The following KSR1 variants were observed in gnomAD, a reference collection of about 807,000 sequenced individuals.
The protein encoded by KSR1 is kinase suppressor of ras.
In KSR1, 35 loss-of-function variants were observed where a neutral mutation model predicts 92.9. That is an observed-to-expected ratio of 0.38 (90% CI 0.29 to 0.50). The LOEUF is 0.50. Ranked by LOEUF, KSR1 falls within the 20% of genes least tolerant of loss-of-function variation. The pLI is 0.94. For synonymous variants in KSR1, 467 were observed against 472.6 expected (o/e 0.99, Z 0.15); for missense variants, 972 against 1,158.5 (o/e 0.84, Z 2.34).
chr17:27,482,809 T>C (rs921209149), intron 1 of KSR1, among the ~76,000 whole-genome samples: 4 of 152,132 alleles, frequency 2.6e-5, no homozygotes, highest in African/African-American at 9.7e-5. Flanking sequence ...GTGAAGGAAA[T>C]GCATACAGTT....
At chr17:27,536,028 G>C (rs2070739226) in intron 1 of KSR1, among the ~76,000 whole-genome samples, 1 of 152,250 alleles carries the variant, frequency 6.6e-6, no homozygotes, top group Non-Finnish European at 1.5e-5. Flanking sequence ...ACCTCCACGG[G>C]TGTGGGGAAG....
intron 2 of KSR1, among the ~76,000 whole-genome samples, chr17:27,556,691 CAGA>C (rs372941310): frequency 1.1e-4 from 17 of 152,332 alleles, no homozygotes; most frequent in African/African-American, 4.1e-4. Context: ...GCCATGCCCA[CAGA>C]AGAAGACTCA....
intron 1 of KSR1, among the ~76,000 whole-genome samples, chr17:27,537,639 G>A (rs1282418818): frequency 1.3e-5 from 2 of 152,140 alleles, no homozygotes; most frequent in African/African-American, 2.4e-5. Context: ...GCAATGAGCC[G>A]AGATCAGGCC....
At chr17:27,477,646 C>T (rs2150935414) in intron 1 of KSR1, among the ~76,000 whole-genome samples, 1 of 152,202 alleles carries the variant, frequency 6.6e-6, no homozygotes, top group African/African-American at 2.4e-5. Flanking sequence ...CCGGCCCATC[C>T]CTCCCAGAAT....
chr17:27,613,414 C>T (rs894466054), intron 18 of KSR1, among the ~76,000 whole-genome samples: 1 of 152,264 alleles, frequency 6.6e-6, no homozygotes, highest in African/African-American at 2.4e-5. Context: ...AGAAACCTCT[C>T]AGCAAAAAAG....
chr17:27,506,467 C>T (rs900385172), intron 1 of KSR1, among the ~76,000 whole-genome samples: 1 of 152,178 alleles, frequency 6.6e-6, no homozygotes, highest in African/African-American at 2.4e-5. Flanking sequence ...TAAGCACTGC[C>T]TGATACTCGA....
chr17:27,502,927 A>G (rs888575916), intron 1 of KSR1, among the ~76,000 whole-genome samples: 1 of 152,184 alleles, frequency 6.6e-6, no homozygotes. Context: ...GCTGATGGTA[A>G]CAGTAACACA....
At chr17:27,545,010 T>TG (rs2071110021) in intron 1 of KSR1, among the ~76,000 whole-genome samples, 1 of 152,244 alleles carries the variant, frequency 6.6e-6, no homozygotes, top group South Asian at 2.1e-4. Flanking sequence ...TAACAAGTTC[T>TG]GGGAGATAGC....
chr17:27,505,288 G>A (rs754481337), intron 1 of KSR1, among the ~76,000 whole-genome samples: 1 of 152,176 alleles, frequency 6.6e-6, no homozygotes, highest in Non-Finnish European at 1.5e-5. Flanking sequence ...GGGCTCTACA[G>A]TGCAACCCGT....
At chr17:27,619,740 T>C (rs2074166914) in intron 19 of KSR1, among the ~76,000 whole-genome samples, 1 of 150,840 alleles carries the variant, frequency 6.6e-6, no homozygotes, top group African/African-American at 2.4e-5. Flanking sequence ...TGAGACAGAG[T>C]CTTGCTCTGT....
chr17:27,581,404 C>A (rs984541954), intron 3 of KSR1, among the ~76,000 whole-genome samples: 1 of 152,144 alleles, frequency 6.6e-6, no homozygotes, highest in Non-Finnish European at 1.5e-5. Flanking sequence ...GCTGACCCCC[C>A]CAGCTTCATC....
At chr17:27,464,248 C>T (rs561950918) in intron 1 of KSR1, among the ~76,000 whole-genome samples, 34 of 152,222 alleles carry the variant, frequency 2.2e-4, no homozygotes, top group African/African-American at 7.2e-4. Flanking sequence ...ATTCTTGGAG[C>T]GCCATCTGGG....
At chr17:27,539,075 A>G (rs1042856736) in intron 1 of KSR1, among the ~76,000 whole-genome samples, 2 of 152,196 alleles carry the variant, frequency 1.3e-5, no homozygotes, top group Non-Finnish European at 2.9e-5. Context: ...GGTTTGGCCC[A>G]TTGGCAGAAA....
At chr17:27,601,922 C>T in intron 11 of KSR1, 1 of 1,609,460 alleles carries the variant, frequency 6.2e-7, no homozygotes, top group Non-Finnish European at 8.5e-7. Flanking sequence ...CTGGAAATGC[C>T]TCCTTATTGC....
chr17:27,520,087 T>C (rs2069961676), intron 1 of KSR1, among the ~76,000 whole-genome samples: 2 of 152,234 alleles, frequency 1.3e-5, no homozygotes, highest in Non-Finnish European at 2.9e-5. Context: ...TTATACCGAA[T>C]GAATTATTTC....
chr17:27,555,907 G>T (rs1379964114), intron 2 of KSR1, among the ~76,000 whole-genome samples: 1 of 152,190 alleles, frequency 6.6e-6, no homozygotes, highest in East Asian at 1.9e-4. Flanking sequence ...AAAGAAAATT[G>T]CTGCATCCCA....
At chr17:27,616,050 T>C (rs546653641) in intron 18 of KSR1, among the ~76,000 whole-genome samples, 1 of 152,360 alleles carries the variant, frequency 6.6e-6, no homozygotes, top group Non-Finnish European at 1.5e-5. Flanking sequence ...ATGCCTGCTA[T>C]AGTGAAATTT....
chr17:27,563,404 G>A (rs1274403827), intron 2 of KSR1, among the ~76,000 whole-genome samples: 1 of 152,056 alleles, frequency 6.6e-6, no homozygotes, highest in Non-Finnish European at 1.5e-5. Flanking sequence ...CTACAGGTAT[G>A]CACCACTGTG....
chr17:27,471,788 G>C (rs1014487567), intron 1 of KSR1, among the ~76,000 whole-genome samples: 1 of 152,222 alleles, frequency 6.6e-6, no homozygotes, highest in African/African-American at 2.4e-5. Flanking sequence ...GCTTAGTGGG[G>C]GAGTTTGTGG....
Sources: allele counts gnomAD v4.1 joint callset (sites outside exome capture counted in the v4.1 genomes callset), GRCh38; gene constraint gnomAD v4.1.1; transcripts MANE v1.5; gene names NCBI Gene and HGNC (gene_info 2026-07-23, HGNC 2026-07-21).